The following CCSER1 variants were observed in gnomAD, a reference collection of about 807,000 sequenced individuals.
CCSER1 encodes coiled-coil serine rich protein 1.
In CCSER1, 41 loss-of-function variants were observed where a neutral mutation model predicts 82.0. The ratio of observed to expected loss-of-function variants is 0.50; its 90% CI spans 0.39 to 0.65. CCSER1 has a LOEUF of 0.65. Ranked by LOEUF, CCSER1 falls within the 30% of genes least tolerant of loss-of-function variation. The pLI is 0.00. For missense variants in CCSER1, 1,119 were observed against 1,064.2 expected (o/e 1.05, Z -0.72); for synonymous variants, 414 against 383.9 (o/e 1.08, Z -0.92).
At chr4:90,795,027 C>G (rs1323613459) in intron 7 of CCSER1, among the ~76,000 whole-genome samples, 1 of 152,038 alleles carries the variant, frequency 6.6e-6, no homozygotes, top group Non-Finnish European at 1.5e-5. Flanking sequence ...CGGTGGCTCA[C>G]ACCTGTAATC....
chr4:91,175,755 T>G (rs1383453869), intron 10 of CCSER1, among the ~76,000 whole-genome samples: 1 of 152,210 alleles, frequency 6.6e-6, no homozygotes, highest in Non-Finnish European at 1.5e-5. Context: ...TGGTAAAAAT[T>G]TTCTCCCATT....
intron 4 of CCSER1, among the ~76,000 whole-genome samples, chr4:90,439,354 G>A (rs764670392): frequency 2.6e-5 from 4 of 151,940 alleles, no homozygotes; most frequent in Non-Finnish European, 4.4e-5. Context: ...GTAAACACAC[G>A]CATTTCTAAT....
intron 8 of CCSER1, among the ~76,000 whole-genome samples, chr4:90,857,408 C>G (rs990915278): frequency 6.6e-6 from 1 of 152,034 alleles, no homozygotes; most frequent in Admixed American, 6.6e-5. Flanking sequence ...CTTATTTCCT[C>G]TAAGGGAGCA....
intron 1 of CCSER1, among the ~76,000 whole-genome samples, chr4:90,190,814 C>T (rs1411394388): frequency 6.6e-6 from 1 of 152,000 alleles, no homozygotes; most frequent in African/African-American, 2.4e-5. Context: ...TAATTGGCAC[C>T]AAGGTTTTCT....
chr4:90,861,318 A>T (rs1047316022), intron 8 of CCSER1, among the ~76,000 whole-genome samples: 32 of 151,796 alleles, frequency 2.1e-4, no homozygotes, highest in African/African-American at 7.5e-4. Flanking sequence ...TATTTAAATT[A>T]GTCCCTGCAG....
At position 90,461,199 on chromosome 4, in the gene CCSER1, G is replaced by T. The variant is rs898497577; in HGVS notation, c.1604-7035G>T. On this transcript the variant is annotated intron_variant, in intron 4 of 10. Transcript: ENST00000509176. ...TCCTGCCTCAGCCTCCCAAGTAGCT[G>T]GGACTACAGGCGCCCGCCACTACGC... Among the ~76,000 whole-genome samples, 21 of 137,084 alleles carry T rather than the reference G, an allele frequency of 1.5e-4. 1 individual carries two copies. Among genetic ancestry groups the T allele is most frequent in the Non-Finnish European group, 2.6e-4 (17 of 64,922 alleles). 89.9% of individuals were successfully genotyped at this position (137,084 alleles called of 152,430 possible). A position where few individuals can be genotyped will look rare whatever the true frequency, so the allele number is the denominator to read the frequency against.
At chr4:91,479,849 G>A (rs1170678385) in intron 10 of CCSER1, among the ~76,000 whole-genome samples, 3 of 142,654 alleles carry the variant, frequency 2.1e-5, no homozygotes, top group African/African-American at 5.2e-5. Flanking sequence ...CCACTAACTC[G>A]TCATCTAGCA....
intron 4 of CCSER1, among the ~76,000 whole-genome samples, chr4:90,409,589 T>G (rs887037464): frequency 6.6e-6 from 1 of 152,152 alleles, no homozygotes; most frequent in Non-Finnish European, 1.5e-5. Context: ...CTGAGAGATT[T>G]TGTCACCACC....
At chr4:91,499,118 T>C (rs747031095) in intron 10 of CCSER1, among the ~76,000 whole-genome samples, 14 of 152,040 alleles carry the variant, frequency 9.2e-5, no homozygotes, top group Non-Finnish European at 1.5e-4. Flanking sequence ...TTATGTTTCA[T>C]TTCATTTTGT....
intron 10 of CCSER1, among the ~76,000 whole-genome samples, chr4:91,306,708 T>C (rs1194770762): frequency 6.6e-6 from 1 of 152,056 alleles, no homozygotes; most frequent in Non-Finnish European, 1.5e-5. Context: ...TATATTTCAA[T>C]GTTTTAGAAA....
At position 90,902,661 on chromosome 4, in the gene CCSER1, G is replaced by A. The variant is rs1724831299; in HGVS notation, c.2095-20709G>A. Among the ~76,000 whole-genome samples the A allele has an allele frequency of 3.3e-5, 5 of 152,062 alleles. No homozygotes were observed. In the South Asian group the frequency reaches 1.0e-3, roughly 31 times the overall value. ...ACATATGCCTCCTGCAAGGCTTAGGGTGAGGAGGAAGGACTCAGGAAGCTT... is the reference window on the plus strand; with the variant it reads ...ACATATGCCTCCTGCAAGGCTTAGGATGAGGAGGAAGGACTCAGGAAGCTT... On this transcript the variant is annotated intron_variant, in intron 8 of 10. Transcript: ENST00000509176.
chr4:90,533,207 T>A (rs1344743714), intron 5 of CCSER1, among the ~76,000 whole-genome samples: 6 of 146,858 alleles, frequency 4.1e-5, no homozygotes, highest in Admixed American at 1.4e-4. Flanking sequence ...TTCTCCTGCC[T>A]CACCCTCCCT....
chr4:90,857,578 T>G (rs1210672679), intron 8 of CCSER1, among the ~76,000 whole-genome samples: 1 of 152,114 alleles, frequency 6.6e-6, no homozygotes, highest in East Asian at 1.9e-4. Context: ...ATAAAGTGCA[T>G]GAACACCAGG....
chr4:91,074,050 C>T (rs532940102), intron 9 of CCSER1, among the ~76,000 whole-genome samples: 5 of 152,122 alleles, frequency 3.3e-5, no homozygotes, highest in African/African-American at 7.2e-5. Flanking sequence ...AAGTGTTTTA[C>T]GACTCTTGTC....
intron 10 of CCSER1, among the ~76,000 whole-genome samples, chr4:91,363,349 G>A (rs1749378320): frequency 9.9e-6 from 1 of 101,450 alleles, no homozygotes; most frequent in Non-Finnish European, 1.9e-5. Flanking sequence ...GCATAGGATG[G>A]AGATATTTTG....
At chr4:90,568,837 G>T (rs1281523079) in intron 5 of CCSER1, among the ~76,000 whole-genome samples, 1 of 149,512 alleles carries the variant, frequency 6.7e-6, no homozygotes. Context: ...GTGCCGTGTC[G>T]GCTCACTGCA....
At chr4:90,627,814 A>G (rs968534811) in intron 5 of CCSER1, among the ~76,000 whole-genome samples, 14 of 152,042 alleles carry the variant, frequency 9.2e-5, no homozygotes, top group East Asian at 5.8e-4. Context: ...CCCCATCTCT[A>G]CTAAGAATAC....
chr4:91,447,083 T>A (rs2149414587), intron 10 of CCSER1, among the ~76,000 whole-genome samples: 1 of 152,136 alleles, frequency 6.6e-6, no homozygotes, highest in East Asian at 1.9e-4. Flanking sequence ...CTTTCTTAGC[T>A]CTTCCTAACT....
chr4:91,465,706 CAG>C lies in CCSER1; in HGVS notation c.2218-132862_2218-132861del, dbSNP rs544468014. Among the ~76,000 whole-genome samples the C allele has an allele frequency of 2.4e-3, 363 of 152,264 alleles. 1 individual carries two copies. Among genetic ancestry groups the C allele is most frequent in the African/African-American group, 8.3e-3 (345 of 41,554 alleles). On this transcript the variant is annotated intron_variant, in intron 10 of 10. Transcript: ENST00000509176. ...ATCCCACAGAAATACAAACTACCATCAGAGAATACTATAAACACCTCTATACA... is the reference window on the plus strand; with the variant it reads ...ATCCCACAGAAATACAAACTACCATCAGAATACTATAAACACCTCTATACA...
Sources: gnomAD v4.1 joint callset for allele counts (sites outside exome capture counted in the v4.1 genomes callset) on GRCh38, gnomAD v4.1.1 for gene constraint, MANE v1.5 for transcripts, NCBI Gene and HGNC (gene_info 2026-07-23, HGNC 2026-07-21) for gene names.